ANKRD30B: variants seen among roughly 807,000 people sequenced by gnomAD.
The protein encoded by ANKRD30B is ankyrin repeat domain 30B.
ANKRD30B carries 144 observed loss-of-function variants against 202.2 expected under a neutral mutation model. The observed-to-expected ratio is 0.71, with a 90% CI of 0.62 to 0.82. The LOEUF (loss-of-function observed/expected upper bound fraction) is 0.82. Ranked by LOEUF, ANKRD30B falls within the 40% of genes least tolerant of loss-of-function variation. The pLI is 0.00. For synonymous variants in ANKRD30B, 508 were observed against 561.3 expected, an observed-to-expected ratio of 0.91 and a Z score of 1.34; for missense variants, 1,487 against 1,669.1, an observed-to-expected ratio of 0.89 and a Z score of 1.90.
intron 28 of ANKRD30B, 92 bp downstream of exon 28, chr18:14,810,272 T>C (rs555717737): frequency 1.2e-6 from 1 of 840,334 alleles, no homozygotes; most frequent in Non-Finnish European, 1.7e-6. Flanking sequence ...TTGTTTTCTT[T>C]TGAAAATTTG....
At chr18:14,868,465 A>G in the ANKRD30B span, among the ~76,000 whole-genome samples, 1 of 152,280 alleles carries the variant, frequency 6.6e-6, no homozygotes, top group Non-Finnish European at 1.5e-5. Context: ...TTAAGGGACA[A>G]AAGGCTTCTT....
the ANKRD30B span, among the ~76,000 whole-genome samples, chr18:14,940,165 C>T: frequency 6.6e-6 from 1 of 152,158 alleles, no homozygotes; most frequent in Admixed American, 6.5e-5. Context: ...TGTTATGAAG[C>T]CCACAGTGGG....
At chr18:14,805,084 T>A (rs531292275) in intron 24 of ANKRD30B, among the ~76,000 whole-genome samples, 48 of 150,806 alleles carry the variant, frequency 3.2e-4, no homozygotes, top group African/African-American at 1.1e-3. Context: ...TATATGTATA[T>A]ATTTTGTTGA....
chr18:14,902,297 C>A, the ANKRD30B span, among the ~76,000 whole-genome samples: 2,296 of 152,184 alleles, frequency 0.015, 63 homozygotes, highest in African/African-American at 0.053. Context: ...TAAAGAATAC[C>A]ATTTTCTGAC....
the ANKRD30B span, among the ~76,000 whole-genome samples, chr18:14,920,594 T>C: frequency 6.6e-6 from 1 of 152,180 alleles, no homozygotes; most frequent in Non-Finnish European, 1.5e-5. Flanking sequence ...AGTCTGGGTG[T>C]CCCTGGATTT....
the ANKRD30B span, among the ~76,000 whole-genome samples, chr18:14,872,114 C>A: frequency 6.6e-6 from 1 of 152,134 alleles, no homozygotes; most frequent in Non-Finnish European, 1.5e-5. Flanking sequence ...AACCAGAGCC[C>A]TAGGCTCACA....
At position 14,784,372 on chromosome 18, in the gene ANKRD30B, G is replaced by A; in HGVS notation, c.1599+8G>A. The A allele has an allele frequency of 6.2e-7, 1 of 1,612,674 alleles. No homozygotes were observed. Among genetic ancestry groups the A allele is most frequent in the South Asian group, 1.1e-5 (1 of 91,040 alleles). On this transcript the variant is annotated splice_region_variant and intron_variant, in intron 13 of 43. Coordinates refer to ENST00000690538, the MANE Select transcript of ANKRD30B (RefSeq NM_001367607.2). The stretch of plus-strand genomic sequence containing the variant: ...AAGCCATCTGCCTTCAAGGTATTTA[G>A]TTTTATGGTTTCATTTTGAATGACT...
At chr18:14,831,050 C>G (rs1343993224) in intron 33 of ANKRD30B, among the ~76,000 whole-genome samples, 1 of 151,406 alleles carries the variant, frequency 6.6e-6, no homozygotes, top group Admixed American at 6.6e-5. Context: ...GGCGCAGTGG[C>G]GGGCTCCAGC....
At chr18:14,889,359 G>A in the ANKRD30B span, among the ~76,000 whole-genome samples, 2 of 152,012 alleles carry the variant, frequency 1.3e-5, no homozygotes, top group Non-Finnish European at 2.9e-5. Context: ...GAAGATACAA[G>A]GTTAATTTGT....
intron 6 of ANKRD30B, among the ~76,000 whole-genome samples, chr18:14,761,399 A>G (rs367769855): frequency 6.6e-6 from 1 of 152,316 alleles, no homozygotes; most frequent in African/African-American, 2.4e-5. Flanking sequence ...TTGAGTCAAC[A>G]TACCTGTGGG....
intron 18 of ANKRD30B, 58 bp downstream of exon 18, chr18:14,796,473 G>T: frequency 6.8e-7 from 1 of 1,480,044 alleles, no homozygotes; most frequent in Non-Finnish European, 9.0e-7. Context: ...TATTTGAAAT[G>T]CCGAGAGGCT....
intron 39 of ANKRD30B, among the ~76,000 whole-genome samples, chr18:14,843,535 T>C (rs551762755): frequency 1.4e-5 from 2 of 143,930 alleles, no homozygotes; most frequent in East Asian, 4.1e-4. Flanking sequence ...AAATCTGTTG[T>C]TCTGATTAGC....
intron 39 of ANKRD30B, among the ~76,000 whole-genome samples, chr18:14,848,429 G>A (rs60774052): frequency 0.38 from 57,104 of 149,574 alleles, 11,727 homozygotes; most frequent in East Asian, 0.55. Context: ...GGAATTTTCC[G>A]TGGGCCTAGT....
the ANKRD30B span, chr18:14,905,463 G>T: frequency 6.6e-6 from 1 of 152,230 alleles, no homozygotes; most frequent in African/African-American, 2.4e-5. Context: ...TTGGTTGAAA[G>T]AATTTAGCTT....
At chr18:14,933,142 T>C in the ANKRD30B span, among the ~76,000 whole-genome samples, 2 of 152,222 alleles carry the variant, frequency 1.3e-5, no homozygotes, top group Non-Finnish European at 2.9e-5. Flanking sequence ...GTGACAATCC[T>C]AAATGTGCTG....
chr18:14,906,803 G>A, the ANKRD30B span, among the ~76,000 whole-genome samples: 1 of 151,486 alleles, frequency 6.6e-6, no homozygotes, highest in Non-Finnish European at 1.5e-5. Context: ...GCTCAAGGTG[G>A]TTGGGGTGTG....
At chr18:14,782,890 T>C (rs1967846752) in intron 12 of ANKRD30B, among the ~76,000 whole-genome samples, 3 of 151,746 alleles carry the variant, frequency 2.0e-5, no homozygotes, top group Admixed American at 1.3e-4. Flanking sequence ...AAAAAGGGAA[T>C]GAAGACTAAG....
chr18:14,797,586 T>G (rs191930341), intron 18 of ANKRD30B, 75 bp from the exon 19 acceptor site: 1 of 1,457,294 alleles, frequency 6.9e-7, no homozygotes, highest in African/African-American at 1.4e-5. Flanking sequence ...CATCTTCATA[T>G]TCACACTGTA....
the ANKRD30B span, among the ~76,000 whole-genome samples, chr18:14,940,024 T>C: frequency 6.6e-6 from 1 of 152,248 alleles, no homozygotes; most frequent in African/African-American, 2.4e-5. Flanking sequence ...GCCGACATCG[T>C]TGACTCCTTA....
Sources: gnomAD v4.1 joint callset for allele counts (sites outside exome capture counted in the v4.1 genomes callset) on GRCh38, gnomAD v4.1.1 for gene constraint, MANE v1.5 for transcripts, NCBI Gene and HGNC (gene_info 2026-07-23, HGNC 2026-07-21) for gene names.